The following NSUN7 variants were observed in gnomAD, a reference collection of about 807,000 sequenced individuals.
The protein encoded by NSUN7 is NOP2/Sun RNA methyltransferase family member 7, also known as protein NSUN7.
A neutral mutation model predicts 58.5 loss-of-function variants in NSUN7; 39 were observed. The ratio of observed to expected loss-of-function variants is 0.67; its 90% CI spans 0.52 to 0.87. NSUN7 has a LOEUF of 0.87. NSUN7 is among the 40% of genes least tolerant of loss of function. NSUN7 has a pLI of 0.00. For synonymous variants in NSUN7, 278 were observed against 303.7 expected (o/e 0.92, Z 0.88); for missense variants, 765 against 844.1 (o/e 0.91, Z 1.16).
chr4:40,808,543 AC>A lies in NSUN7; in HGVS notation c.1763del (p.Pro588LeufsTer32). 1 of 1,551,668 alleles carries A rather than the reference AC, an allele frequency of 6.4e-7. No homozygotes were observed. Among genetic ancestry groups the A allele is most frequent in the Non-Finnish European group, 8.7e-7 (1 of 1,147,012 alleles). On this transcript the variant is annotated frameshift_variant, in exon 12 of 12. Transcript: ENST00000381782. LOFTEE classifies it low-confidence loss of function (END_TRUNC). Reference protein sequence around the residue: ...ANLSETVTKPPLPQKNTAQVG... With the variant: ...ANLSETVTKPXLPQKNTAQVG... ...ATCTATCAGAGACTGTAACAAAACC[AC>A]CTCTTCCCCAGAAAAATACTGCTCA...
rs181703628 is a variant in NSUN7, at chr4:40,801,467, G to C, written c.1400+2563G>C. ...TTTCATGTTCATGTACTTTCCCACT[G>C]TTTTCAACTGGATTATTCTTTTTCT... On this transcript the variant is annotated intron_variant, in intron 10 of 11. Transcript: ENST00000381782. 6.6e-5 allele frequency among the ~76,000 whole-genome samples: 10 copies of C among 152,086 alleles called. No individual in the cohort carries two copies. In the East Asian group the frequency reaches 1.9e-3, roughly 29 times the overall value.
chr4:40,794,968 T>G (rs1743254190), intron 9 of NSUN7, among the ~76,000 whole-genome samples: 1 of 152,220 alleles, frequency 6.6e-6, no homozygotes, highest in African/African-American at 2.4e-5. Flanking sequence ...TTGAGTGATT[T>G]ATATCATTGC....
chr4:40,751,106 C>A (rs1740808996), intron 2 of NSUN7, 115 bp downstream of exon 2: 1 of 1,132,758 alleles, frequency 8.8e-7, no homozygotes, highest in Non-Finnish European at 1.3e-6. Context: ...TGGTTTTAGG[C>A]ATGTGCATAT....
At chr4:40,805,753 A>G (rs1379287145) in intron 10 of NSUN7, among the ~76,000 whole-genome samples, 1 of 152,060 alleles carries the variant, frequency 6.6e-6, no homozygotes, top group Non-Finnish European at 1.5e-5. Flanking sequence ...CCTGTGCTGG[A>G]GAGGCCTGTC....
chr4:40,791,161 C>G (rs1288326062), intron 8 of NSUN7, among the ~76,000 whole-genome samples: 2 of 152,052 alleles, frequency 1.3e-5, no homozygotes, highest in East Asian at 3.8e-4. Context: ...GACTCTAGAG[C>G]CTATGTTCTA....
chr4:40,784,965 C>T (rs1306230098), intron 7 of NSUN7, among the ~76,000 whole-genome samples: 1 of 152,218 alleles, frequency 6.6e-6, no homozygotes, highest in Non-Finnish European at 1.5e-5. Context: ...AACACATAAA[C>T]AGCAAAAATT....
At chr4:40,797,632 C>T (rs1051658669) in intron 9 of NSUN7, among the ~76,000 whole-genome samples, 5 of 152,210 alleles carry the variant, frequency 3.3e-5, no homozygotes, top group South Asian at 4.1e-4. Flanking sequence ...CCAGCTACCT[C>T]CACCACTACC....
chr4:40,757,902 T>TTTTGTTTGTTTGTTTGTTTG lies in NSUN7; in HGVS notation c.299-2520_299-2501dup, dbSNP rs71198603. 4.7e-4 allele frequency among the ~76,000 whole-genome samples: 70 copies of TTTTGTTTGTTTGTTTGTTTG among 148,610 alleles called. 1 individual carries two copies. The South Asian group carries it at 5.8e-3, about 12-fold the overall frequency. Reference sequence around the variant, plus strand: ...TTCATCCTGCCTCTCCTATTCCTGTTTTTGTTTGTTTGTTTGTTTGTTTGT... The same window carrying TTTTGTTTGTTTGTTTGTTTG: ...TTCATCCTGCCTCTCCTATTCCTGTTTTTGTTTGTTTGTTTGTTTGTTTGTTTGTTTGTTTGTTTGTTTGT... On this transcript the variant is annotated intron_variant, in intron 2 of 11. Coordinates refer to ENST00000381782, the MANE Select transcript of NSUN7 (RefSeq NM_024677.6).
At chr4:40,761,122 G>GT (rs766848021) in intron 3 of NSUN7, 49 bp from the exon 4 acceptor site, 1 of 1,410,136 alleles carries the variant, frequency 7.1e-7, no homozygotes, top group Non-Finnish European at 9.7e-7. Flanking sequence ...AATATTGCTG[G>GT]TTAGATATTG....
intron 7 of NSUN7, among the ~76,000 whole-genome samples, chr4:40,782,810 A>G (rs910159875): frequency 2.6e-5 from 4 of 152,168 alleles, no homozygotes; most frequent in Admixed American, 6.6e-5. Flanking sequence ...TCAAGGCTGC[A>G]GTGAGCTGGT....
intron 10 of NSUN7, among the ~76,000 whole-genome samples, chr4:40,800,112 T>C (rs944606771): frequency 6.6e-6 from 1 of 152,174 alleles, no homozygotes; most frequent in Non-Finnish European, 1.5e-5. Flanking sequence ...TTCACTCTTA[T>C]AAACCTGTTT....
intron 2 of NSUN7, among the ~76,000 whole-genome samples, chr4:40,756,265 A>G (rs1741139972): frequency 5.3e-5 from 8 of 152,224 alleles, no homozygotes; most frequent in Admixed American, 5.2e-4. Flanking sequence ...CACCTGTCTG[A>G]TAAACCCAAT....
At chr4:40,754,842 T>C (rs1741060067) in intron 2 of NSUN7, among the ~76,000 whole-genome samples, 1 of 152,218 alleles carries the variant, frequency 6.6e-6, no homozygotes, top group Non-Finnish European at 1.5e-5. Flanking sequence ...TTCAGTTTTA[T>C]TGTTTGTTCC....
intron 7 of NSUN7, among the ~76,000 whole-genome samples, chr4:40,778,835 TC>T (rs1645299333): frequency 6.6e-6 from 1 of 152,144 alleles, no homozygotes; most frequent in South Asian, 2.1e-4. Context: ...AACTAACTTT[TC>T]AATGGAAACA....
At chr4:40,778,428 G>C (rs1742370704) in intron 7 of NSUN7, among the ~76,000 whole-genome samples, 1 of 152,192 alleles carries the variant, frequency 6.6e-6, no homozygotes, top group Non-Finnish European at 1.5e-5. Flanking sequence ...CCGAAGTGAT[G>C]GTATCAGGAG....
At chr4:40,801,045 A>AAGGGAGGGAGGAAAGAAGGG (rs1283830328) in intron 10 of NSUN7, among the ~76,000 whole-genome samples, 5 of 140,862 alleles carry the variant, frequency 3.5e-5, no homozygotes, top group African/African-American at 1.3e-4. Context: ...GGAAGGGAGA[A>AAGGGAGGGAGGAAAGAAGGG]AGGGAGGGAG....
At chr4:40,764,286 G>A (rs1741605725) in intron 4 of NSUN7, among the ~76,000 whole-genome samples, 1 of 133,054 alleles carries the variant, frequency 7.5e-6, no homozygotes, top group African/African-American at 2.9e-5. Context: ...GTCCATGTAT[G>A]TTCTCATTGT....
chr4:40,790,054 C>A (rs1179877732), intron 7 of NSUN7, among the ~76,000 whole-genome samples: 1 of 139,418 alleles, frequency 7.2e-6, no homozygotes, highest in East Asian at 2.0e-4. Flanking sequence ...TTCTGATAAC[C>A]CTCCCCCACC....
At chr4:40,790,825 T>C in intron 8 of NSUN7, 80 bp downstream of exon 8, 1 of 1,062,368 alleles carries the variant, frequency 9.4e-7, no homozygotes, top group Non-Finnish European at 1.4e-6. Context: ...TAAAATAGCA[T>C]ATCAAATACA....
Sources: allele counts gnomAD v4.1 joint callset (sites outside exome capture counted in the v4.1 genomes callset), GRCh38; gene constraint gnomAD v4.1.1; transcripts MANE v1.5; gene names NCBI Gene and HGNC (gene_info 2026-07-23, HGNC 2026-07-21).